ZC3H13: variants seen among roughly 807,000 people sequenced by gnomAD.
ZC3H13 encodes zinc finger CCCH-type containing 13.
ZC3H13 carries 64 observed loss-of-function variants against 204.1 expected under a neutral mutation model. That is an observed-to-expected ratio of 0.31 (90% CI 0.26 to 0.39). The LOEUF is 0.39. Ranked by LOEUF, ZC3H13 falls within the 10% of genes least tolerant of loss-of-function variation. The pLI is 1.00. For synonymous variants in ZC3H13, 667 were observed against 693.7 expected, an observed-to-expected ratio of 0.96 and a Z score of 0.60; for missense variants, 1,833 against 2,082.7, an observed-to-expected ratio of 0.88 and a Z score of 2.33.
In ZC3H13 at chr13:45,969,115, G is replaced by T. The variant is rs1307915857; in HGVS notation, c.3429C>A (p.Pro1143=). 4 of 1,614,158 alleles carry T rather than the reference G, an allele frequency of 2.5e-6. No homozygotes were observed. The East Asian group carries it at 8.9e-5, about 36-fold the overall frequency. Residue 1143 remains proline (P), a synonymous_variant, in exon 14 of 19, where the codon CCC becomes CCA. Coordinates refer to ENST00000679008, the MANE Select transcript of ZC3H13 (RefSeq NM_001330564.2). ...CAAAAGTATTATTGGTGGTATTGGT[G>T]GGGGTGGCAGAGGTGGAAATAGTGA... ...SAITISTSAT[P]TNTTNNTFAN...
At position 46,029,614 on chromosome 13, in the gene ZC3H13, G is replaced by C. The variant is rs373998611; in HGVS notation, c.340-9057C>G. ...CGGCTAATTTTTTGTATTTTTAGTA[G>C]AGACGGGGTTTCACCGTGTTAGCCA... On this transcript the variant is annotated intron_variant, in intron 4 of 18. Transcript: ENST00000679008. Among the ~76,000 whole-genome samples the C allele has an allele frequency of 4.6e-3, 693 of 151,674 alleles. 6 individuals carry two copies. Among genetic ancestry groups the C allele is most frequent in the African/African-American group, 0.016 (645 of 41,330 alleles).
chr13:46,046,323 A>G (rs1190001916), intron 1 of ZC3H13, among the ~76,000 whole-genome samples: 3 of 152,076 alleles, frequency 2.0e-5, no homozygotes, highest in African/African-American at 4.8e-5. Context: ...TTTTTATTTT[A>G]TTTTACGTTT....
rs2041502894 is a variant in ZC3H13 at position 46,010,788 on chromosome 13, A to T, written c.589-283T>A. On this transcript the variant is annotated intron_variant, in intron 6 of 18. Coordinates refer to ENST00000679008, the MANE Select transcript of ZC3H13 (RefSeq NM_001330564.2). ...GTGCCTATGGTCTCAGCTATTAGGG[A>T]GGCTGAGATGGGAGGATCCCTTGAG... Among the ~76,000 whole-genome samples, 4 of 151,350 alleles carry T rather than the reference A, an allele frequency of 2.6e-5. No homozygotes were observed. The South Asian group carries it at 8.4e-4, about 32-fold the overall frequency.
intron 4 of ZC3H13, among the ~76,000 whole-genome samples, chr13:46,032,224 G>T (rs1329234129): frequency 1.3e-5 from 2 of 152,100 alleles, no homozygotes; most frequent in South Asian, 2.1e-4. Context: ...ATTAACTTTT[G>T]CTGTGATCCT....
Position 45,969,898 on chromosome 13 carries a change from T to C in ZC3H13, c.2646A>G (p.Thr882=), listed in dbSNP as rs1322510622. 2 of 1,613,938 alleles carry C rather than the reference T, an allele frequency of 1.2e-6. No individual in the cohort carries two copies. The highest frequency in any genetic ancestry group is 1.7e-5 in the Admixed American group (1 of 60,018). Residue 882 remains threonine (T), a synonymous_variant, in exon 14 of 19, where the codon ACA becomes ACG. Coordinates refer to ENST00000679008, the MANE Select transcript of ZC3H13 (RefSeq NM_001330564.2). The part of the protein sequence containing the change: ...ESRSLSPSHL[T]EDRQGRWKEE... ...CTTTCCATCTACCCTGTCTGTCTTC[T>C]GTGAGGTGCGAGGGACTAAGAGAAC... is the stretch of plus-strand genomic sequence containing the variant.
chr13:46,026,063 T>G (rs1158013820), intron 4 of ZC3H13, among the ~76,000 whole-genome samples: 1 of 152,090 alleles, frequency 6.6e-6, no homozygotes, highest in Non-Finnish European at 1.5e-5. Context: ...CTTTCAATAT[T>G]ATAGAAACAA....
chr13:46,028,002 A>G (rs1456841337), intron 4 of ZC3H13, among the ~76,000 whole-genome samples: 6 of 152,218 alleles, frequency 3.9e-5, no homozygotes. Context: ...TTAAACATCA[A>G]TGGTCTAAAT....
intron 10 of ZC3H13, 138 bp from the exon 11 acceptor site, chr13:45,980,142 G>A: frequency 2.7e-6 from 2 of 747,836 alleles, no homozygotes; most frequent in South Asian, 3.3e-5. Flanking sequence ...CCTGAAAAGA[G>A]TATCAAGCAA....
chr13:46,040,971 T>C (rs1200422090), intron 4 of ZC3H13, among the ~76,000 whole-genome samples: 3 of 152,136 alleles, frequency 2.0e-5, no homozygotes, highest in East Asian at 3.8e-4. Flanking sequence ...AGAACTTTCA[T>C]ATGCTGTCAA....
Position 45,957,121 on chromosome 13 carries a change from T to G in ZC3H13, c.*6A>C, listed in dbSNP as rs1197236653. 2 of 1,480,748 alleles carry G rather than the reference T, an allele frequency of 1.4e-6. No homozygotes were observed. Among genetic ancestry groups the G allele is most frequent in the East Asian group, 5.1e-5 (2 of 38,966 alleles). The allele number at this position is 1,480,748 out of a possible 1,614,324, so 91.7% of individuals were successfully genotyped here. A position where few individuals can be genotyped will look rare whatever the true frequency, so the allele number is the denominator to read the frequency against. On this transcript the variant is annotated 3_prime_UTR_variant, in exon 19 of 19. Transcript: ENST00000679008. ...AGTACCAAAAATACCATATTGAACTTCGGTCTTAAGACACACACAGTTCCT... is the reference window on the plus strand; with the variant it reads ...AGTACCAAAAATACCATATTGAACTGCGGTCTTAAGACACACACAGTTCCT...
intron 17 of ZC3H13, chr13:45,963,041 T>C: frequency 6.1e-6 from 6 of 985,418 alleles, no homozygotes; most frequent in Non-Finnish European, 7.2e-6. Context: ...GCAGTTAATA[T>C]TTATTGGGTA....
chr13:45,988,382 C>T (rs1193798034), intron 9 of ZC3H13, among the ~76,000 whole-genome samples: 8 of 152,088 alleles, frequency 5.3e-5, no homozygotes, highest in Non-Finnish European at 1.0e-4. Flanking sequence ...CTCAGCTTCC[C>T]GAGTAGCTAG....
At chr13:45,986,337 A>G (rs1424884147) in intron 9 of ZC3H13, among the ~76,000 whole-genome samples, 1 of 152,236 alleles carries the variant, frequency 6.6e-6, no homozygotes, top group Non-Finnish European at 1.5e-5. Flanking sequence ...ATGTACCTAC[A>G]GTGCCAGCTA....
intron 4 of ZC3H13, among the ~76,000 whole-genome samples, chr13:46,033,155 T>C (rs60130704): frequency 0.015 from 2,261 of 152,126 alleles, 20 homozygotes; most frequent in South Asian, 0.053. Flanking sequence ...TTTTATGTAA[T>C]TAGAAAATGA....
chr13:46,045,350 A>G (rs750841479), intron 2 of ZC3H13, 41 bp downstream of exon 2: 11 of 1,499,090 alleles, frequency 7.3e-6, no homozygotes, highest in Non-Finnish European at 9.3e-6. Flanking sequence ...CAATAATAGA[A>G]TTCTAAGAGA....
intron 4 of ZC3H13, among the ~76,000 whole-genome samples, chr13:46,023,303 T>C (rs74075322): frequency 0.015 from 2,260 of 152,308 alleles, 19 homozygotes; most frequent in South Asian, 0.053. Context: ...TTCCAGACAG[T>C]TCTAATTATT....
chr13:45,997,827 GA>G (rs960496474), intron 8 of ZC3H13, among the ~76,000 whole-genome samples: 17 of 147,696 alleles, frequency 1.2e-4, no homozygotes, highest in South Asian at 2.1e-4. Flanking sequence ...ATACTTGAAG[GA>G]AAAAAAAACA....
At chr13:45,962,967 C>T in intron 17 of ZC3H13, 5 of 985,346 alleles carry the variant, frequency 5.1e-6, no homozygotes, top group Non-Finnish European at 6.0e-6. Flanking sequence ...GCTAGATAAT[C>T]TGGAATAACT....
At chr13:46,021,401 TCCA>T (rs2042209475) in intron 4 of ZC3H13, among the ~76,000 whole-genome samples, 2 of 152,078 alleles carry the variant, frequency 1.3e-5, no homozygotes, top group African/African-American at 4.8e-5. Context: ...ATTGTTATCT[TCCA>T]CCACAGCAGA....
Sources: allele counts gnomAD v4.1 joint callset (sites outside exome capture counted in the v4.1 genomes callset), GRCh38; gene constraint gnomAD v4.1.1; transcripts MANE v1.5; gene names NCBI Gene and HGNC (gene_info 2026-07-23, HGNC 2026-07-21).